The following FGF12 variants were observed in gnomAD, a reference collection of about 807,000 sequenced individuals.
FGF12 encodes the protein fibroblast growth factor 12B.
In FGF12, 14 loss-of-function variants were observed where a neutral mutation model predicts 23.6. The observed-to-expected ratio is 0.59, with a 90% CI of 0.39 to 0.93. The LOEUF is 0.93. FGF12 is among the 40% of genes least tolerant of loss of function. The pLI is 0.00. For synonymous variants in FGF12, 62 were observed against 77.3 expected (o/e 0.80, Z 1.04); for missense variants, 175 against 217.8 (o/e 0.80, Z 1.24).
intron 2 of FGF12, among the ~76,000 whole-genome samples, chr3:192,458,603 C>G (rs1363410221): frequency 1.3e-5 from 2 of 152,068 alleles, no homozygotes; most frequent in Non-Finnish European, 2.9e-5. Flanking sequence ...ATAACTGTAC[C>G]CCCACTGTAT....
chr3:192,284,381 C>T (rs1714324954), intron 4 of FGF12, among the ~76,000 whole-genome samples: 1 of 151,998 alleles, frequency 6.6e-6, no homozygotes, highest in African/African-American at 2.4e-5. Flanking sequence ...AAATATGCCC[C>T]AATTGCTGCT....
intron 4 of FGF12, among the ~76,000 whole-genome samples, chr3:192,274,444 A>T (rs1713648729): frequency 1.3e-5 from 2 of 152,218 alleles, no homozygotes; most frequent in South Asian, 4.1e-4. Context: ...ATACCTATTA[A>T]CACACTTGAG....
At chr3:192,260,993 G>A (rs1712709621) in intron 4 of FGF12, among the ~76,000 whole-genome samples, 2 of 152,040 alleles carry the variant, frequency 1.3e-5, no homozygotes, top group Non-Finnish European at 2.9e-5. Flanking sequence ...AAGACAGATG[G>A]GGGTAGGGAG....
At chr3:192,318,846 A>G (rs963622789) in intron 4 of FGF12, among the ~76,000 whole-genome samples, 35 of 152,200 alleles carry the variant, frequency 2.3e-4, no homozygotes, top group Non-Finnish European at 4.3e-4. Flanking sequence ...GGAAGAGGAA[A>G]AAAGAAATAC....
chr3:192,499,514 ATATTTTTTTTT>A (rs1724065024), intron 2 of FGF12, among the ~76,000 whole-genome samples: 1 of 43,750 alleles, frequency 2.3e-5, no homozygotes, highest in South Asian at 1.3e-3. Context: ...ATATATATAT[ATATTTTTTTTT>A]TTTTTTTTTT....
At chr3:192,579,429 T>C (rs1326680912) in intron 2 of FGF12, among the ~76,000 whole-genome samples, 1 of 152,196 alleles carries the variant, frequency 6.6e-6, no homozygotes, top group East Asian at 1.9e-4. Context: ...TATATATTCC[T>C]GAACAAGGAG....
intron 5 of FGF12, among the ~76,000 whole-genome samples, chr3:192,156,248 T>C (rs937678330): frequency 6.6e-6 from 1 of 152,164 alleles, no homozygotes; most frequent in Non-Finnish European, 1.5e-5. Flanking sequence ...GTCTTCCCAG[T>C]TCCCCAATCC....
At chr3:192,634,159 TTCA>T in intron 2 of FGF12, among the ~76,000 whole-genome samples, 1 of 152,280 alleles carries the variant, frequency 6.6e-6, no homozygotes, top group African/African-American at 2.4e-5. Flanking sequence ...TTTTCTCTCT[TTCA>T]TCTTTTTCTT....
intron 4 of FGF12, among the ~76,000 whole-genome samples, chr3:192,245,542 TA>T (rs1259702656): frequency 1.3e-5 from 2 of 152,226 alleles, no homozygotes; most frequent in African/African-American, 4.8e-5. Flanking sequence ...TGCATTTGCA[TA>T]AGCACAATTT....
At chr3:192,437,890 G>A (rs1313628503) in intron 2 of FGF12, among the ~76,000 whole-genome samples, 1 of 152,066 alleles carries the variant, frequency 6.6e-6, no homozygotes, top group Non-Finnish European at 1.5e-5. Context: ...CCCTTGTATA[G>A]CTTCATTTCC....
In FGF12 at chr3:192,514,993, G is replaced by C. The variant is rs1724619189; in HGVS notation, c.14-154455C>G. On this transcript the variant is annotated intron_variant, in intron 2 of 5. Transcript: ENST00000445105. The surrounding 1 kb of genome is among the most constrained non-coding windows in gnomAD (Gnocchi z 4.9). ...AGAGCCCGAGGCGCTGCCACCCCTC[G>C]GTGGGCTCGAGCACGGCCCCTTGAG... 2.9e-6 allele frequency: 1 copy of C among 342,976 alleles called. No individual in the cohort carries two copies. Among genetic ancestry groups the C allele is most frequent in the Non-Finnish European group, 4.1e-6 (1 of 242,694 alleles). 21.2% of individuals were successfully genotyped at this position (342,976 alleles called of 1,614,324 possible).
At chr3:192,520,288 A>G (rs756492488) in intron 2 of FGF12, among the ~76,000 whole-genome samples, 16 of 152,304 alleles carry the variant, frequency 1.1e-4, no homozygotes, top group Middle Eastern at 3.4e-3. Flanking sequence ...CACCAGGTTC[A>G]TTTTATTTTT....
At chr3:192,635,006 C>T (rs920766816) in intron 2 of FGF12, among the ~76,000 whole-genome samples, 2 of 152,044 alleles carry the variant, frequency 1.3e-5, no homozygotes, top group African/African-American at 2.4e-5. Flanking sequence ...ATTACAGGCG[C>T]GTGCCACCAC....
At chr3:192,352,840 T>C (rs767922774) in intron 3 of FGF12, among the ~76,000 whole-genome samples, 18 of 152,194 alleles carry the variant, frequency 1.2e-4, no homozygotes, top group Non-Finnish European at 1.5e-5. Context: ...GTCAGATTAC[T>C]TGGACCCAAA....
At chr3:192,177,422 A>G (rs896357110) in intron 4 of FGF12, among the ~76,000 whole-genome samples, 8 of 152,222 alleles carry the variant, frequency 5.3e-5, no homozygotes, top group Non-Finnish European at 8.8e-5. Context: ...AAAGGTAAAG[A>G]ATGTTATGTG....
intron 2 of FGF12, among the ~76,000 whole-genome samples, chr3:192,708,152 G>A (rs1037001523): frequency 6.6e-6 from 1 of 151,930 alleles, no homozygotes; most frequent in African/African-American, 2.4e-5. Flanking sequence ...GTAGAGACGG[G>A]ATTTCACCGT....
At chr3:192,502,908 C>G (rs762500630) in intron 2 of FGF12, among the ~76,000 whole-genome samples, 13 of 152,232 alleles carry the variant, frequency 8.5e-5, no homozygotes, top group Non-Finnish European at 1.8e-4. Flanking sequence ...TAGCTAATAT[C>G]TAGCTTAACA....
At position 192,656,812 on chromosome 3, in the gene FGF12, C is replaced by T. The variant is rs369122097; in HGVS notation, c.13+70369G>A. 2.2e-4 allele frequency among the ~76,000 whole-genome samples: 34 copies of T among 152,272 alleles called. No individual in the cohort carries two copies. The East Asian group carries it at 3.7e-3, about 16-fold the overall frequency. ...GTAATGTGTGGTCTGTAATCCTTGA[C>T]GCGACCTGGCTTCCAATGTATTTTT... On this transcript the variant is annotated intron_variant, in intron 2 of 5. Transcript: ENST00000445105.
At chr3:192,228,311 C>T (rs1278571006) in intron 4 of FGF12, among the ~76,000 whole-genome samples, 1 of 152,068 alleles carries the variant, frequency 6.6e-6, no homozygotes, top group East Asian at 1.9e-4. Context: ...ATGAGGCATG[C>T]ATTACCCATC....
Sources: gnomAD v4.1 joint callset for allele counts (sites outside exome capture counted in the v4.1 genomes callset) on GRCh38, gnomAD v4.1.1 for gene constraint, Gnocchi (gnomAD v3.1) non-coding constraint, MANE v1.5 for transcripts, NCBI Gene and HGNC (gene_info 2026-07-23, HGNC 2026-07-21) for gene names.